Variants in ARHGAP32 observed in about 807,000 individuals in gnomAD.
ARHGAP32 encodes Rho GTPase activating protein 32.
Under a neutral mutation model 186.5 loss-of-function variants are expected in ARHGAP32, and 51 were observed. That is an observed-to-expected ratio of 0.27 (90% CI 0.22 to 0.35). ARHGAP32 has a LOEUF of 0.35. ARHGAP32 is among the 10% of genes least tolerant of loss of function. The pLI, the probability that ARHGAP32 is intolerant of heterozygous loss-of-function variation, is 1.00. For synonymous variants in ARHGAP32, 950 were observed against 964.3 expected (o/e 0.99, Z 0.27); for missense variants, 2,186 against 2,623.5 (o/e 0.83, Z 3.64).
intron 2 of ARHGAP32, among the ~76,000 whole-genome samples, chr11:129,135,808 C>T (rs778716293): frequency 2.0e-5 from 3 of 151,852 alleles, no homozygotes; most frequent in Non-Finnish European, 4.4e-5. Flanking sequence ...CCAAACCTCA[C>T]ATCATGCACA....
chr11:129,139,203 AATAAT>A (rs1219175919), intron 2 of ARHGAP32, among the ~76,000 whole-genome samples: 1 of 152,126 alleles, frequency 6.6e-6, no homozygotes, highest in Non-Finnish European at 1.5e-5. Flanking sequence ...TTCCCTATAA[AATAAT>A]AGTAAAAAGA....
chr11:129,124,164 C>A (rs1171270842), intron 3 of ARHGAP32, among the ~76,000 whole-genome samples: 1 of 152,168 alleles, frequency 6.6e-6, no homozygotes, highest in Middle Eastern at 3.4e-3. Context: ...GGGGCTGGGA[C>A]CCAAGTCTAA....
chr11:129,122,588 T>A (rs768383892), intron 5 of ARHGAP32, among the ~76,000 whole-genome samples: 1 of 152,160 alleles, frequency 6.6e-6, no homozygotes, highest in Non-Finnish European at 1.5e-5. Context: ...CTAGTGCTAT[T>A]TTAAACTGTC....
At chr11:129,143,598 C>A (rs1943108055) in intron 2 of ARHGAP32, among the ~76,000 whole-genome samples, 1 of 152,162 alleles carries the variant, frequency 6.6e-6, no homozygotes, top group Middle Eastern at 3.2e-3. Context: ...ATTCAACTCA[C>A]GCTTCTTTGA....
intron 11 of ARHGAP32, among the ~76,000 whole-genome samples, chr11:129,015,321 C>T (rs576963932): frequency 5.9e-5 from 9 of 152,106 alleles, no homozygotes; most frequent in Non-Finnish European, 1.0e-4. Context: ...CAGGAGCTAA[C>T]GTACTGATAG....
chr11:128,985,508 C>G (rs1377671700), intron 15 of ARHGAP32, among the ~76,000 whole-genome samples: 1 of 146,314 alleles, frequency 6.8e-6, no homozygotes, highest in East Asian at 2.0e-4. Flanking sequence ...TTCTAACTGG[C>G]AAAGTAACTT....
intron 11 of ARHGAP32, among the ~76,000 whole-genome samples, chr11:129,006,585 GTCTC>G (rs932474025): frequency 1.3e-5 from 2 of 152,198 alleles, no homozygotes; most frequent in Non-Finnish European, 2.9e-5. Flanking sequence ...AATAAACAAA[GTCTC>G]TCTCTGTCTC....
chr11:129,233,065 AT>A (rs1276790831), intron 1 of ARHGAP32, among the ~76,000 whole-genome samples: 2 of 152,126 alleles, frequency 1.3e-5, no homozygotes, highest in Non-Finnish European at 2.9e-5. Flanking sequence ...TAAAGTATTT[AT>A]TTTTACTGGA....
At chr11:129,202,023 T>C (rs1944461822) in intron 1 of ARHGAP32, among the ~76,000 whole-genome samples, 1 of 152,022 alleles carries the variant, frequency 6.6e-6, no homozygotes, top group Non-Finnish European at 1.5e-5. Flanking sequence ...TTTATTTATA[T>C]ATATATGTGT....
intron 9 of ARHGAP32, among the ~76,000 whole-genome samples, chr11:129,063,672 T>C (rs1272185467): frequency 2.0e-5 from 3 of 151,774 alleles, no homozygotes; most frequent in Non-Finnish European, 4.4e-5. Flanking sequence ...GGGAGGGAGA[T>C]CAAGAATGAC....
intron 2 of ARHGAP32, among the ~76,000 whole-genome samples, chr11:129,149,862 A>G (rs557615532): frequency 6.6e-6 from 1 of 152,278 alleles, no homozygotes; most frequent in South Asian, 2.1e-4. Flanking sequence ...ACACCAGAAA[A>G]ATGTGAAAAC....
intron 11 of ARHGAP32, among the ~76,000 whole-genome samples, chr11:129,023,278 T>C (rs1304727515): frequency 6.6e-6 from 1 of 152,136 alleles, no homozygotes; most frequent in Non-Finnish European, 1.5e-5. Context: ...TGGATGGAGA[T>C]GGTTATCCTT....
intron 19 of ARHGAP32, among the ~76,000 whole-genome samples, chr11:128,977,614 C>G (rs1945583210): frequency 6.6e-6 from 1 of 152,092 alleles, no homozygotes; most frequent in Admixed American, 6.6e-5. Flanking sequence ...GTTGTTATTT[C>G]CTAACCACTA....
intron 6 of ARHGAP32, among the ~76,000 whole-genome samples, chr11:129,080,449 G>T (rs899620786): frequency 1.3e-5 from 2 of 151,942 alleles, no homozygotes; most frequent in Admixed American, 1.3e-4. Context: ...TCCAAAAGGA[G>T]CCCTCAAAAC....
chr11:129,170,448 G>C (rs1943735784), intron 1 of ARHGAP32, among the ~76,000 whole-genome samples: 1 of 152,076 alleles, frequency 6.6e-6, no homozygotes, highest in Non-Finnish European at 1.5e-5. Flanking sequence ...TTCTGTTCCT[G>C]TGTTAGCTTG....
At chr11:128,992,620 A>G (rs898041187) in intron 12 of ARHGAP32, among the ~76,000 whole-genome samples, 1 of 151,918 alleles carries the variant, frequency 6.6e-6, no homozygotes, top group African/African-American at 2.4e-5. Context: ...CTACCAAAAA[A>G]TACAGGAAAA....
chr11:129,177,426 A>G (rs1943942538), intron 1 of ARHGAP32, among the ~76,000 whole-genome samples: 1 of 152,218 alleles, frequency 6.6e-6, no homozygotes, highest in African/African-American at 2.4e-5. Flanking sequence ...AATCCTCCCT[A>G]ACTCATTTTA....
At chr11:128,989,653 T>C (rs970979296) in intron 12 of ARHGAP32, among the ~76,000 whole-genome samples, 1 of 152,110 alleles carries the variant, frequency 6.6e-6, no homozygotes. Flanking sequence ...GGTGGTTTGC[T>C]GCACCCATCA....
At chr11:129,279,612 C>T (rs1293763577), upstream of ARHGAP32, among the ~76,000 whole-genome samples, 3 of 146,040 alleles carry the variant, frequency 2.1e-5, no homozygotes, top group African/African-American at 4.9e-5. Context: ...GCACCCGCGA[C>T]GCCCGCAGCG....
Sources: allele counts gnomAD v4.1 joint callset (sites outside exome capture counted in the v4.1 genomes callset), GRCh38; gene constraint gnomAD v4.1.1; transcripts MANE v1.5; gene names NCBI Gene and HGNC (gene_info 2026-07-23, HGNC 2026-07-21).